ATP2B2: variants seen among roughly 807,000 people sequenced by gnomAD.
ATP2B2 encodes ATPase plasma membrane Ca2+ transporting 2.
ATP2B2 carries 15 observed loss-of-function variants against 120.0 expected under a neutral mutation model. That is an observed-to-expected ratio of 0.12 (90% CI 0.08 to 0.19). The LOEUF is 0.19. Among genes scored for constraint, ATP2B2 ranks in the 10% least tolerant of loss-of-function variants. The pLI, the probability that ATP2B2 is intolerant of heterozygous loss-of-function variation, is 1.00. For missense variants in ATP2B2, 1,045 were observed against 1,719.8 expected (o/e 0.61, Z 6.94); for synonymous variants, 694 against 700.3 (o/e 0.99, Z 0.14).
chr3:10,403,529 T>C (rs1016370988), intron 3 of ATP2B2, among the ~76,000 whole-genome samples: 1 of 152,230 alleles, frequency 6.6e-6, no homozygotes, highest in African/African-American at 2.4e-5. Flanking sequence ...ACAAGGGTCC[T>C]GAGAGCAAGA....
intron 2 of ATP2B2, among the ~76,000 whole-genome samples, chr3:10,536,825 GC>G (rs1236605757): frequency 6.6e-6 from 1 of 152,150 alleles, no homozygotes; most frequent in Admixed American, 6.6e-5. Flanking sequence ...ACCACACCCA[GC>G]CTCTTACTTT....
At chr3:10,695,358 G>A (rs1235607981) in intron 1 of ATP2B2, among the ~76,000 whole-genome samples, 1 of 151,766 alleles carries the variant, frequency 6.6e-6, no homozygotes, top group Admixed American at 6.6e-5. Flanking sequence ...CATGAGAACA[G>A]CACATGAAAG....
intron 2 of ATP2B2, among the ~76,000 whole-genome samples, chr3:10,420,768 A>G (rs1393653397): frequency 6.6e-6 from 1 of 152,222 alleles, no homozygotes; most frequent in Non-Finnish European, 1.5e-5. Flanking sequence ...GGCCTTGACT[A>G]ATATTAGCTG....
chr3:10,474,864 C>T (rs1480607661), intron 1 of ATP2B2, among the ~76,000 whole-genome samples: 1 of 152,278 alleles, frequency 6.6e-6, no homozygotes, highest in Non-Finnish European at 1.5e-5. Flanking sequence ...TACACTATCA[C>T]TGTCTTTCTG....
At chr3:10,590,995 T>C (rs555561273) in intron 2 of ATP2B2, among the ~76,000 whole-genome samples, 28 of 152,074 alleles carry the variant, frequency 1.8e-4, no homozygotes, top group African/African-American at 6.3e-4. Flanking sequence ...GCCCTGTCCC[T>C]GTAGGTATGT....
chr3:10,509,233 G>A (rs993128980), upstream of ATP2B2, among the ~76,000 whole-genome samples: 6 of 152,128 alleles, frequency 3.9e-5, no homozygotes, highest in African/African-American at 1.2e-4. Context: ...CTGTGTCTTC[G>A]GTATGAGACG....
At chr3:10,687,068 T>C (rs1318166691) in intron 1 of ATP2B2, among the ~76,000 whole-genome samples, 2 of 152,228 alleles carry the variant, frequency 1.3e-5, no homozygotes, top group Non-Finnish European at 1.5e-5. Context: ...ATATGGGTCA[T>C]GCAAGGCCCA....
rs2063970732 is a variant in ATP2B2, at chr3:10,449,828, G to A, written c.-285C>T. On this transcript the variant is annotated 5_prime_UTR_variant, in exon 2 of 23. Transcript: ENST00000360273. ...TTCAGTGGGGCCCATGCTGCTCCCT[G>A]GAACTGGCATCTACATGGTCAGGGG... 2 of 492,974 alleles carry A rather than the reference G, an allele frequency of 4.1e-6. No homozygotes were observed. The allele number at this position is 492,974 out of a possible 1,614,324, so 30.5% of individuals were successfully genotyped here.
intron 2 of ATP2B2, among the ~76,000 whole-genome samples, chr3:10,616,095 G>T (rs926122277): frequency 1.3e-5 from 2 of 152,096 alleles, no homozygotes; most frequent in African/African-American, 2.4e-5. Flanking sequence ...CAAGTTCAGT[G>T]CTCTGCAAAA....
intron 8 of ATP2B2, 54 bp downstream of exon 8, chr3:10,385,214 G>A (rs1447264026): frequency 7.7e-6 from 12 of 1,558,498 alleles, no homozygotes; most frequent in Admixed American, 5.0e-5. Flanking sequence ...AGTTGGGGTG[G>A]GGGTGAGAGA....
rs111795913 is a variant in ATP2B2 at position 10,587,625 on chromosome 3, C to T, written c.-415+32292G>A. On this transcript the variant is annotated intron_variant, in intron 2 of 21. Coordinates refer to the ATP2B2 transcript ENST00000646379. Reference sequence around the variant, plus strand: ...GAACACTTGACCTCAAGTGATCTACCTGCCTTGGCCTTCCAAAGTGCAGGG... The same window carrying T: ...GAACACTTGACCTCAAGTGATCTACTTGCCTTGGCCTTCCAAAGTGCAGGG... Among the ~76,000 whole-genome samples, 837 of 152,312 alleles carry T rather than the reference C, an allele frequency of 5.5e-3. 6 individuals are homozygous for T. Among genetic ancestry groups the T allele is most frequent in the African/African-American group, 0.019 (790 of 41,570 alleles).
chr3:10,413,780 T>C (rs2062693030), intron 2 of ATP2B2, among the ~76,000 whole-genome samples: 1 of 152,242 alleles, frequency 6.6e-6, no homozygotes, highest in South Asian at 2.1e-4. Flanking sequence ...CCAATTCCTT[T>C]AGACTTTCTG....
intron 22 of ATP2B2, among the ~76,000 whole-genome samples, chr3:10,335,422 C>A (rs1018013523): frequency 6.6e-6 from 1 of 151,864 alleles, no homozygotes; most frequent in Non-Finnish European, 1.5e-5. Flanking sequence ...GGCAGAGACT[C>A]TGAACTGCTG....
rs150280761 is a variant in ATP2B2, at chr3:10,654,030, TCTTA to T, written c.-459-34073_-459-34070del. Among the ~76,000 whole-genome samples, 698 of 152,304 alleles carry T rather than the reference TCTTA, an allele frequency of 4.6e-3. 4 individuals carry two copies. Among genetic ancestry groups the T allele is most frequent in the African/African-American group, 0.016 (662 of 41,566 alleles). ...AGCATCAACCTCATTATTGCTGAACTCTTACTTGGCTCCTGGAAATGAGTTAGGC... is the reference window on the plus strand; with the variant it reads ...AGCATCAACCTCATTATTGCTGAACTCTTGGCTCCTGGAAATGAGTTAGGC... On this transcript the variant is annotated intron_variant, in intron 1 of 21. Coordinates refer to the ATP2B2 transcript ENST00000646379.
chr3:10,479,483 A>G (rs1450205520), intron 1 of ATP2B2, among the ~76,000 whole-genome samples: 3 of 151,706 alleles, frequency 2.0e-5, no homozygotes, highest in Non-Finnish European at 4.4e-5. Flanking sequence ...ACGAAATCAC[A>G]CTCATCCTGG....
chr3:10,612,200 C>T (rs1174897219), intron 2 of ATP2B2, among the ~76,000 whole-genome samples: 1 of 152,194 alleles, frequency 6.6e-6, no homozygotes. Flanking sequence ...TAACCCCTCC[C>T]CAGGTCCCCA....
chr3:10,613,559 C>T (rs980910857), intron 2 of ATP2B2, among the ~76,000 whole-genome samples: 14 of 152,100 alleles, frequency 9.2e-5, no homozygotes, highest in African/African-American at 3.1e-4. Context: ...AAAACACACC[C>T]CATCACCTTT....
intron 1 of ATP2B2, among the ~76,000 whole-genome samples, chr3:10,629,071 C>A (rs2125635596): frequency 6.6e-6 from 1 of 152,266 alleles, no homozygotes. Context: ...CACAGCCGGG[C>A]CTTCTGGGCT....
At chr3:10,556,651 G>A (rs1193903129) in intron 2 of ATP2B2, among the ~76,000 whole-genome samples, 2 of 152,224 alleles carry the variant, frequency 1.3e-5, no homozygotes, top group Non-Finnish European at 2.9e-5. Flanking sequence ...TGTGCCTGGC[G>A]TGTTTGAGAA....
Sources: gnomAD v4.1 joint callset for allele counts (sites outside exome capture counted in the v4.1 genomes callset) on GRCh38, gnomAD v4.1.1 for gene constraint, MANE v1.5 for transcripts, NCBI Gene and HGNC (gene_info 2026-07-23, HGNC 2026-07-21) for gene names.